The following KAT6B variants were observed in gnomAD, a reference collection of about 807,000 sequenced individuals.
KAT6B encodes histone acetyltransferase KAT6B.
KAT6B carries 10 observed loss-of-function variants against 187.5 expected under a neutral mutation model. That is an observed-to-expected ratio of 0.05 (90% CI 0.03 to 0.09). The LOEUF (loss-of-function observed/expected upper bound fraction) is 0.09. KAT6B is among the 10% of genes least tolerant of loss of function. The pLI is 1.00. For missense variants in KAT6B, 1,952 were observed against 2,558.9 expected (o/e 0.76, Z 5.12); for synonymous variants, 861 against 926.8 (o/e 0.93, Z 1.29).
At chr10:74,938,793 A>G (rs923241917) in intron 3 of KAT6B, among the ~76,000 whole-genome samples, 5 of 151,730 alleles carry the variant, frequency 3.3e-5, no homozygotes, top group Non-Finnish European at 5.9e-5. Context: ...CTGGAGTGCA[A>G]TGGCACAATC....
chr10:74,844,205 CTT>C (rs1185087537), intron 3 of KAT6B, among the ~76,000 whole-genome samples: 1 of 144,774 alleles, frequency 6.9e-6, no homozygotes, highest in Non-Finnish European at 1.5e-5. Flanking sequence ...ATAATCTATG[CTT>C]TTTTTTTTGA....
chr10:74,939,737 A>C (rs1849530805), intron 3 of KAT6B, among the ~76,000 whole-genome samples: 1 of 152,356 alleles, frequency 6.6e-6, no homozygotes, highest in African/African-American at 2.4e-5. Context: ...AAACAAGTTT[A>C]TGGTATGATT....
intron 3 of KAT6B, among the ~76,000 whole-genome samples, chr10:74,892,966 G>A (rs1328399717): frequency 6.6e-6 from 1 of 152,230 alleles, no homozygotes; most frequent in Non-Finnish European, 1.5e-5. Flanking sequence ...ATTTCCTGTG[G>A]GCCTGGTGGT....
In KAT6B at chr10:74,975,695, G is replaced by A. The variant is rs1403147173; in HGVS notation, c.1358G>A (p.Gly453Asp). The change falls in exon 8 of 18, where the codon GGT becomes GAT. Residue 453 changes from glycine to aspartate, a missense_variant. Gly to Asp is a moderately conservative substitution (Grantham distance 94, BLOSUM62 -1). This residue lies in a region of KAT6B where 417 missense variants were observed against 508.9 expected (regional missense o/e 0.82). Transcript: ENST00000287239. ...TPSPDGRRSR[G>D]EIIDFSKHYR... is the part of the protein sequence containing the mutation. ...TCACCTGATGGTCGCAGATCACGAG[G>A]TGAAATTATAGACTTTTCAAAGCAC... is the stretch of plus-strand genomic sequence containing the variant. The A allele has an allele frequency of 4.3e-6, 7 of 1,614,192 alleles. No homozygotes were observed. Among genetic ancestry groups the A allele is most frequent in the Non-Finnish European group, 5.9e-6 (7 of 1,180,044 alleles).
intron 6 of KAT6B, 31 bp downstream of exon 6, chr10:74,970,132 T>G: frequency 2.6e-6 from 4 of 1,519,696 alleles, no homozygotes; most frequent in Middle Eastern, 1.7e-4. Context: ...AAAAATGTAT[T>G]TTATTACATA....
At chr10:74,953,443 G>T (rs1840456235) in intron 3 of KAT6B, among the ~76,000 whole-genome samples, 1 of 152,178 alleles carries the variant, frequency 6.6e-6, no homozygotes, top group Non-Finnish European at 1.5e-5. Flanking sequence ...CAACCCGAGA[G>T]CTAGACAACA....
chr10:75,030,433 G>C lies in KAT6B; in HGVS notation c.5609G>C (p.Gly1870Ala). ...TCTCAGTCTCCACACTCCGTCCCTGGGGGACCCCAAGCACAAGCTACCATG... is the reference window on the plus strand; with the variant it reads ...TCTCAGTCTCCACACTCCGTCCCTGCGGGACCCCAAGCACAAGCTACCATG... ...QLSQSPHSVP[G>A]GPQAQATMTP... Residue 1870 changes from glycine (G) to alanine (A), a missense_variant, in exon 18 of 18, where the codon GGG (glycine) becomes GCG (alanine). Around this residue, in one of 9 missense-constraint regions of KAT6B, gnomAD observed 358 missense variants for 436.3 expected, o/e 0.82. Transcript: ENST00000287239. This position sits in a 1 kb window ranked among gnomAD's most constrained non-coding sequence, Gnocchi z 4.8. 1.2e-6 allele frequency: 2 copies of C among 1,614,138 alleles called. No homozygotes were observed.
rs1052943843 is a variant in KAT6B, at chr10:74,891,482, C to T, written c.621+48004C>T. ...CACCGAAATGGTAATTCATCTGTGT[C>T]TGTGATGCTTTAAAAAATAACAGTT... On this transcript the variant is annotated intron_variant, in intron 3 of 17. Coordinates refer to ENST00000287239, the MANE Select transcript of KAT6B (RefSeq NM_012330.4). 5.9e-5 allele frequency among the ~76,000 whole-genome samples: 9 copies of T among 152,314 alleles called. No individual in the cohort carries two copies. The East Asian group carries it at 1.7e-3, about 29-fold the overall frequency.
intron 3 of KAT6B, among the ~76,000 whole-genome samples, chr10:74,944,665 C>T (rs1445318570): frequency 6.6e-6 from 1 of 151,940 alleles, no homozygotes; most frequent in African/African-American, 2.4e-5. Context: ...AAAAATTAGC[C>T]GGGCGTAGTG....
At chr10:75,003,528 G>T (rs1843999767) in intron 13 of KAT6B, among the ~76,000 whole-genome samples, 1 of 152,140 alleles carries the variant, frequency 6.6e-6, no homozygotes, top group African/African-American at 2.4e-5. Flanking sequence ...TGGACCAGCA[G>T]CTATATCCTT....
intron 13 of KAT6B, among the ~76,000 whole-genome samples, chr10:75,005,109 A>G (rs1844114191): frequency 6.6e-6 from 1 of 152,182 alleles, no homozygotes; most frequent in East Asian, 1.9e-4. Context: ...TTCCCCCTTG[A>G]ACATATATTC....
intron 11 of KAT6B, chr10:74,983,612 A>C (rs1352781007): frequency 6.6e-6 from 1 of 152,258 alleles, no homozygotes; most frequent in Non-Finnish European, 1.5e-5. Context: ...AATCAGCATG[A>C]GTCAGCACTG....
rs1484952585 is a variant in KAT6B, at chr10:75,029,636, C to T, written c.4812C>T (p.His1604=). The T allele has an allele frequency of 1.1e-5, 17 of 1,614,044 alleles. No individual in the cohort carries two copies. The highest frequency in any genetic ancestry group is 2.7e-5 in the African/African-American group (2 of 74,926). The part of the protein sequence containing the change: ...SDHSSPVSSV[H]SHPGQSVRSV... ...ACAGTAGCCCAGTTTCATCCGTCCA[C>T]TCCCATCCTGGCCAGTCCGTACGTT... Residue 1604 remains histidine (H), a synonymous_variant, in exon 18 of 18, where the codon CAC becomes CAT. Transcript: ENST00000287239. The surrounding 1 kb of genome is among the most constrained non-coding windows in gnomAD (Gnocchi z 6.2).
chr10:74,830,772 T>A (rs866299253), intron 1 of KAT6B, among the ~76,000 whole-genome samples: 753 of 17,240 alleles, frequency 0.044, 1 homozygote, highest in East Asian at 0.055. Flanking sequence ...ATATATATTT[T>A]TTTTTTTTTT....
At chr10:74,883,512 C>G (rs924502515) in intron 3 of KAT6B, among the ~76,000 whole-genome samples, 7 of 152,122 alleles carry the variant, frequency 4.6e-5, no homozygotes, top group Admixed American at 3.9e-4. Flanking sequence ...GATGTATTTC[C>G]TTTGACCTTT....
At chr10:74,903,065 T>C (rs1332539188) in intron 3 of KAT6B, among the ~76,000 whole-genome samples, 2 of 152,242 alleles carry the variant, frequency 1.3e-5, no homozygotes, top group African/African-American at 4.8e-5. Context: ...CGGGGAAATA[T>C]GCTAATTGCT....
At chr10:75,020,940 C>T (rs1418355212) in intron 14 of KAT6B, 127 bp downstream of exon 14, 2 of 986,972 alleles carry the variant, frequency 2.0e-6, no homozygotes, top group Non-Finnish European at 3.1e-6. Context: ...AACCTTTTCT[C>T]CTAAAAATAA....
intron 13 of KAT6B, among the ~76,000 whole-genome samples, chr10:75,015,452 CGAG>C (rs1435398483): frequency 1.3e-5 from 2 of 152,108 alleles, no homozygotes; most frequent in Non-Finnish European, 2.9e-5. Context: ...AAAATTTAAA[CGAG>C]GAGATATAAA....
intron 3 of KAT6B, among the ~76,000 whole-genome samples, chr10:74,853,161 C>T (rs905061083): frequency 1.4e-5 from 2 of 139,016 alleles, no homozygotes; most frequent in African/African-American, 5.6e-5. Flanking sequence ...GTTACCCAGG[C>T]TGGAGTGCAG....
Sources: gnomAD v4.1 joint callset for allele counts (sites outside exome capture counted in the v4.1 genomes callset) on GRCh38, gnomAD v4.1.1 for gene constraint, gnomAD v4.1.1 regional missense constraint, Gnocchi (gnomAD v3.1) non-coding constraint, MANE v1.5 for transcripts, NCBI Gene and HGNC (gene_info 2026-07-23, HGNC 2026-07-21) for gene names.